Variants in DNAH11 observed in about 807,000 individuals in gnomAD.
DNAH11 encodes the protein axonemal beta dynein heavy chain 11.
In DNAH11, 442 loss-of-function variants were observed where a neutral mutation model predicts 526.0. That is an observed-to-expected ratio of 0.84 (90% confidence interval 0.78 to 0.91). DNAH11 has a LOEUF of 0.91. Among genes scored for constraint, DNAH11 ranks in the 40% least tolerant of loss-of-function variants. The probability of loss-of-function intolerance (pLI) is 0.00; values close to 1 mark genes in which losing one functional copy is unlikely to be tolerated. For missense variants in DNAH11, 6,989 were observed against 5,448.7 expected (o/e 1.28, Z -8.90); for synonymous variants, 2,461 against 1,935.9 (o/e 1.27, Z -7.12).
chr7:21,807,780 G>T, intron 62 of DNAH11, 103 bp from the exon 63 acceptor site: 1 of 1,079,630 alleles, frequency 9.3e-7, no homozygotes, highest in Non-Finnish European at 1.3e-6. Context: ...TATAGTGACT[G>T]TGTGGAAGGA....
At chr7:21,862,390 G>A (rs1232776316) in intron 69 of DNAH11, among the ~76,000 whole-genome samples, 1 of 152,154 alleles carries the variant, frequency 6.6e-6, no homozygotes, top group Non-Finnish European at 1.5e-5. Flanking sequence ...GTCCAGATCC[G>A]AGTGGAGCTG....
Position 21,702,710 on chromosome 7 carries a change from G to C in DNAH11, c.6181G>C (p.Asp2061His). The change falls in exon 37 of 82, where the codon GAT becomes CAT. Residue 2061 changes from aspartate (D) to histidine (H), a missense_variant and splice_region_variant. Coordinates refer to ENST00000409508, the MANE Select transcript of DNAH11 (RefSeq NM_001277115.2). ...TLCKELLSKQ[D>H]HYDWGLRAIK... is the part of the protein sequence containing the mutation. ...GAAAATAAACCTGTTTTGATTTTAG[G>C]ATCATTACGACTGGGGACTTCGTGC... 1 of 1,612,850 alleles carries C rather than the reference G, an allele frequency of 6.2e-7. No homozygotes were observed. Among genetic ancestry groups the C allele is most frequent in the Non-Finnish European group, 8.5e-7 (1 of 1,179,240 alleles).
intron 28 of DNAH11, among the ~76,000 whole-genome samples, chr7:21,650,860 G>A (rs1287640100): frequency 6.6e-6 from 1 of 150,932 alleles, no homozygotes; most frequent in Admixed American, 6.6e-5. Flanking sequence ...GGCTGGTCTC[G>A]AACTCCTGAC....
At chr7:21,560,278 A>G (rs571256980) in intron 4 of DNAH11, among the ~76,000 whole-genome samples, 4 of 152,334 alleles carry the variant, frequency 2.6e-5, no homozygotes, top group South Asian at 2.1e-4. Flanking sequence ...TTAATATTTT[A>G]CATATATAAT....
At chr7:21,770,145 C>T (rs1308332880) in intron 55 of DNAH11, among the ~76,000 whole-genome samples, 2 of 152,150 alleles carry the variant, frequency 1.3e-5, no homozygotes, top group Non-Finnish European at 2.9e-5. Context: ...AGTAGCAGAA[C>T]TGATAGAGGT....
At chr7:21,582,942 C>T (rs1381768270) in intron 9 of DNAH11, among the ~76,000 whole-genome samples, 1 of 152,040 alleles carries the variant, frequency 6.6e-6, no homozygotes, top group Non-Finnish European at 1.5e-5. Context: ...CCCAGTCAAG[C>T]ATTTTAACAT....
chr7:21,851,615 G>T (rs1442628753), intron 66 of DNAH11: 8 of 470,628 alleles, frequency 1.7e-5, no homozygotes, highest in Non-Finnish European at 3.5e-5. Context: ...GACCTTCACT[G>T]TAAGAACCGG....
intron 61 of DNAH11, among the ~76,000 whole-genome samples, chr7:21,797,873 C>G (rs182773389): frequency 6.6e-6 from 1 of 152,286 alleles, no homozygotes; most frequent in East Asian, 1.9e-4. Flanking sequence ...GAAATAAACT[C>G]CAGTGATATT....
At chr7:21,636,403 G>T (rs986528074) in intron 26 of DNAH11, among the ~76,000 whole-genome samples, 2 of 152,042 alleles carry the variant, frequency 1.3e-5, no homozygotes, top group African/African-American at 4.8e-5. Context: ...TAGTTATCAT[G>T]TGTCACAAAA....
intron 28 of DNAH11, among the ~76,000 whole-genome samples, chr7:21,652,967 C>T (rs547293886): frequency 6.6e-6 from 1 of 152,182 alleles, no homozygotes; most frequent in African/African-American, 2.4e-5. Context: ...ACCTCTGCCT[C>T]CCAGGTTCAA....
intron 75 of DNAH11, among the ~76,000 whole-genome samples, chr7:21,881,881 G>T (rs916682610): frequency 1.3e-5 from 2 of 151,952 alleles, no homozygotes; most frequent in African/African-American, 4.8e-5. Flanking sequence ...CAAAATAAAT[G>T]GTTTTAATAT....
intron 49 of DNAH11, among the ~76,000 whole-genome samples, chr7:21,743,773 T>A (rs548993038): frequency 6.6e-6 from 1 of 152,350 alleles, no homozygotes; most frequent in South Asian, 2.1e-4. Context: ...GAGGACTGCC[T>A]GCTCACCCTT....
At chr7:21,707,231 A>G (rs759591087) in intron 39 of DNAH11, among the ~76,000 whole-genome samples, 1 of 152,168 alleles carries the variant, frequency 6.6e-6, no homozygotes, top group South Asian at 2.1e-4. Context: ...GGAACTGTAC[A>G]TTACTGGCCC....
chr7:21,874,562 C>T (rs574227338), intron 74 of DNAH11, among the ~76,000 whole-genome samples: 24 of 152,226 alleles, frequency 1.6e-4, no homozygotes, highest in Middle Eastern at 3.4e-3. Context: ...TCTCGAACTC[C>T]TGACCTCAGG....
chr7:21,566,133 G>T (rs1399342028), intron 6 of DNAH11, among the ~76,000 whole-genome samples: 3 of 152,076 alleles, frequency 2.0e-5, no homozygotes, highest in African/African-American at 7.2e-5. Flanking sequence ...CCTTGTTAAC[G>T]TATGAATCAC....
chr7:21,751,023 TAGA>T (rs1167783236), intron 54 of DNAH11, among the ~76,000 whole-genome samples: 1 of 152,092 alleles, frequency 6.6e-6, no homozygotes, highest in African/African-American at 2.4e-5. Flanking sequence ...GAAAGGAATT[TAGA>T]AGTAACACTC....
chr7:21,899,578 AG>A, intron 80 of DNAH11, 130 bp downstream of exon 80: 1 of 754,960 alleles, frequency 1.3e-6, no homozygotes, highest in Non-Finnish European at 2.2e-6. Flanking sequence ...CATTATAGAA[AG>A]GACCAGCAGC....
rs555684016 is a variant in DNAH11, at chr7:21,845,494, C to A, written c.10896+2746C>A. Among the ~76,000 whole-genome samples the A allele has an allele frequency of 4.6e-5, 7 of 152,098 alleles. No homozygotes were observed. The East Asian group carries it at 1.4e-3, about 29-fold the overall frequency. On this transcript the variant is annotated intron_variant, in intron 66 of 81. Transcript: ENST00000409508. ...TTTTCTCCCTTAAATTGCCTTTGAT[C>A]CTTGTTAAAGATCAGTTGGCCATAT...
chr7:21,809,799 C>G (rs1053274487), intron 63 of DNAH11, among the ~76,000 whole-genome samples: 1 of 152,104 alleles, frequency 6.6e-6, no homozygotes, highest in African/African-American at 2.4e-5. Context: ...CTCCTGACCT[C>G]AGGTGATTCA....
Sources: allele counts gnomAD v4.1 joint callset (sites outside exome capture counted in the v4.1 genomes callset), GRCh38; gene constraint gnomAD v4.1.1; transcripts MANE v1.5; gene names NCBI Gene and HGNC (gene_info 2026-07-23, HGNC 2026-07-21).